Variants in FREM1 observed in about 807,000 individuals in gnomAD.
The protein encoded by FREM1 is FRAS1-related extracellular matrix protein 1.
Under a neutral mutation model 210.1 loss-of-function variants are expected in FREM1, and 220 were observed. The ratio of observed to expected loss-of-function variants is 1.05; its 90% CI spans 0.94 to 1.17. The LOEUF is 1.17. FREM1 is among the 50% of genes most tolerant of loss of function. FREM1 has a pLI of 0.00. For missense variants in FREM1, 3,454 were observed against 2,675.5 expected, an observed-to-expected ratio of 1.29 and a Z score of -6.42; for synonymous variants, 1,189 against 980.2, an observed-to-expected ratio of 1.21 and a Z score of -3.98.
chr9:14,873,738 T>C (rs1833164803), intron 1 of FREM1, among the ~76,000 whole-genome samples: 6 of 152,344 alleles, frequency 3.9e-5, no homozygotes, highest in Non-Finnish European at 1.5e-5. Context: ...CTTGCTTTTC[T>C]AGTTCTTTAA....
intron 20 of FREM1, among the ~76,000 whole-genome samples, chr9:14,798,937 G>A (rs917045492): frequency 1.3e-5 from 2 of 150,258 alleles, no homozygotes; most frequent in South Asian, 4.5e-4. Flanking sequence ...GCCTCCCAAA[G>A]TGCTGGGATT....
intron 1 of FREM1, among the ~76,000 whole-genome samples, chr9:14,904,038 C>T (rs1817221808): frequency 7.3e-6 from 1 of 137,714 alleles, no homozygotes; most frequent in East Asian, 2.3e-4. Flanking sequence ...AGGAGAATGG[C>T]GTGAACCTGG....
intron 22 of FREM1, among the ~76,000 whole-genome samples, chr9:14,789,587 T>C (rs1850958216): frequency 1.3e-5 from 2 of 152,130 alleles, no homozygotes; most frequent in South Asian, 4.1e-4. Context: ...AGAACAAAAA[T>C]AGAACAGATG....
intron 10 of FREM1, among the ~76,000 whole-genome samples, chr9:14,830,919 G>C (rs888613729): frequency 6.6e-6 from 1 of 152,094 alleles, no homozygotes; most frequent in African/African-American, 2.4e-5. Flanking sequence ...GGCACTCTTC[G>C]CCTCTATATT....
chr9:14,885,406 A>G (rs1835632271), intron 1 of FREM1, among the ~76,000 whole-genome samples: 1 of 151,930 alleles, frequency 6.6e-6, no homozygotes, highest in East Asian at 1.9e-4. Flanking sequence ...GTGTATATTT[A>G]TGATGTACAA....
intron 10 of FREM1, among the ~76,000 whole-genome samples, chr9:14,825,561 A>ATATATATACG (rs1822275125): frequency 1.5e-5 from 2 of 129,264 alleles, no homozygotes; most frequent in African/African-American, 6.2e-5. Flanking sequence ...ATATATATAT[A>ATATATATACG]TATATATATA....
At chr9:14,861,064 C>CATATACACATATATACAT (rs1830243830) in intron 3 of FREM1, among the ~76,000 whole-genome samples, 1 of 41,258 alleles carries the variant, frequency 2.4e-5, no homozygotes, top group South Asian at 6.9e-4. Context: ...CATATATACA[C>CATATACACATATATACAT]ATATACATAT....
intron 1 of FREM1, among the ~76,000 whole-genome samples, chr9:14,884,029 G>A (rs547485074): frequency 6.6e-6 from 1 of 152,284 alleles, no homozygotes; most frequent in African/African-American, 2.4e-5. Flanking sequence ...AGGAGTTCGA[G>A]CCCAGCCTGA....
At chr9:14,899,724 A>G (rs1367965573) in intron 1 of FREM1, among the ~76,000 whole-genome samples, 4 of 152,226 alleles carry the variant, frequency 2.6e-5, no homozygotes, top group African/African-American at 9.6e-5. Context: ...TTTGCAAGAA[A>G]TTTGTCTAGA....
chr9:14,817,069 T>C (rs1324542848), intron 14 of FREM1, among the ~76,000 whole-genome samples, 198 bp from the exon 15 acceptor site: 2 of 152,218 alleles, frequency 1.3e-5, no homozygotes, highest in Admixed American at 6.5e-5. Flanking sequence ...GTAAAATTGC[T>C]CCACCCTGGA....
At chr9:14,764,004 C>T (rs1270990777) in intron 27 of FREM1, among the ~76,000 whole-genome samples, 4 of 152,156 alleles carry the variant, frequency 2.6e-5, no homozygotes, top group Non-Finnish European at 5.9e-5. Context: ...AATTGTAGCT[C>T]ATCTTGAATT....
At chr9:14,887,237 A>G (rs1364001808) in intron 1 of FREM1, among the ~76,000 whole-genome samples, 1 of 152,218 alleles carries the variant, frequency 6.6e-6, no homozygotes, top group Non-Finnish European at 1.5e-5. Flanking sequence ...TCAAGACTTC[A>G]GAGCCATGGC....
chr9:14,881,441 A>C (rs1012387654), intron 1 of FREM1, among the ~76,000 whole-genome samples: 1 of 152,242 alleles, frequency 6.6e-6, no homozygotes, highest in Non-Finnish European at 1.5e-5. Flanking sequence ...ATATTTTACA[A>C]ATTTGTGTTT....
At chr9:14,907,653 T>C (rs1354787053) in intron 1 of FREM1, among the ~76,000 whole-genome samples, 2 of 152,240 alleles carry the variant, frequency 1.3e-5, no homozygotes, top group African/African-American at 4.8e-5. Flanking sequence ...AAGATTACAC[T>C]TGTCTAACTC....
chr9:14,812,608 CT>C (rs770919572), intron 16 of FREM1, among the ~76,000 whole-genome samples: 2 of 152,140 alleles, frequency 1.3e-5, no homozygotes, highest in Non-Finnish European at 2.9e-5. Context: ...CCTTTCTCCG[CT>C]GTTTGAAATT....
At chr9:14,791,869 G>A (rs1023788618) in intron 22 of FREM1, among the ~76,000 whole-genome samples, 4 of 151,244 alleles carry the variant, frequency 2.6e-5, no homozygotes, top group Non-Finnish European at 1.5e-5. Flanking sequence ...GTCTTGCTCT[G>A]TCACCCAGGC....
chr9:14,802,931 G>A (rs1817565204), intron 19 of FREM1, among the ~76,000 whole-genome samples: 1 of 152,118 alleles, frequency 6.6e-6, no homozygotes, highest in South Asian at 2.1e-4. Context: ...AGGCAATTAA[G>A]CCTTGAAGGA....
Position 14,804,936 on chromosome 9 carries a change from C to A in FREM1, c.3471+20G>T, listed in dbSNP as rs759908182. ...TCAAAATGATAAAAGAGAAATGGAA[C>A]ATTTGGATATGTTTCTTACAGTAAT... On this transcript the variant is annotated intron_variant, in intron 19 of 36. Transcript: ENST00000380880. 6.4e-7 allele frequency: 1 copy of A among 1,561,966 alleles called. No homozygotes were observed. Among genetic ancestry groups the A allele is most frequent in the Non-Finnish European group, 8.8e-7 (1 of 1,134,284 alleles).
At chr9:14,842,946 A>C (rs1180815230) in intron 8 of FREM1, among the ~76,000 whole-genome samples, 1 of 152,220 alleles carries the variant, frequency 6.6e-6, no homozygotes, top group Non-Finnish European at 1.5e-5. Flanking sequence ...TTTTTCCATC[A>C]ACTTAACTGG....
Sources: gnomAD v4.1 joint callset for allele counts (sites outside exome capture counted in the v4.1 genomes callset) on GRCh38, gnomAD v4.1.1 for gene constraint, MANE v1.5 for transcripts, NCBI Gene and HGNC (gene_info 2026-07-23, HGNC 2026-07-21) for gene names.